Variants in SLFN5 observed in about 807,000 individuals in gnomAD.
The protein encoded by SLFN5 is schlafen family member 5.
A neutral mutation model predicts 48.5 loss-of-function variants in SLFN5; 34 were observed. That is an observed-to-expected ratio of 0.70 (90% CI 0.53 to 0.93). SLFN5 has a LOEUF of 0.93. Ranked by LOEUF, SLFN5 falls within the 40% of genes least tolerant of loss-of-function variation. The pLI, the probability that SLFN5 is intolerant of heterozygous loss-of-function variation, is 0.00. For missense variants in SLFN5, 1,006 were observed against 1,071.3 expected (o/e 0.94, Z 0.85); for synonymous variants, 387 against 396.2 (o/e 0.98, Z 0.28).
rs1597657012 is a variant in SLFN5 at position 35,266,178 on chromosome 17, G to GCA, written c.*291_*292insAC. On this transcript the variant is annotated 3_prime_UTR_variant, in exon 5 of 5. Coordinates refer to ENST00000299977, the MANE Select transcript of SLFN5 (RefSeq NM_144975.4). ...TGTGTGTGTGTGTGTGTGTGTGTGT[G>GCA]CGCGCGCGCACGTGCACATGTGTGT... The GCA allele has an allele frequency of 3.7e-5, 6 of 161,652 alleles. No individual in the cohort carries two copies. The highest frequency in any genetic ancestry group is 2.7e-4 in the East Asian group (3 of 11,150). The allele number at this position is 161,652 out of a possible 1,614,324, so 10.0% of individuals were successfully genotyped here.
At position 35,259,379 on chromosome 17, in the gene SLFN5, G is replaced by C. The variant is rs1904450039; in HGVS notation, c.689G>C (p.Gly230Ala). The C allele has an allele frequency of 1.9e-6, 3 of 1,613,958 alleles. No homozygotes were observed. The highest frequency in any genetic ancestry group is 2.7e-5 in the African/African-American group (2 of 74,876). Residue 230 changes from glycine (G) to alanine (A), a missense_variant, in exon 2 of 5, where the codon GGT (glycine) becomes GCT (alanine). Coordinates refer to ENST00000299977, the MANE Select transcript of SLFN5 (RefSeq NM_144975.4). Reference sequence around the variant, plus strand: ...ACTGAAGGAGGATATGTATTTTTTGGTGTGCATGATGAGACTTGTCAAGTG... The same window carrying C: ...ACTGAAGGAGGATATGTATTTTTTGCTGTGCATGATGAGACTTGTCAAGTG... ...ANTEGGYVFF[G>A]VHDETCQVIG...
chr17:35,253,662 G>T (rs894547218), intron 1 of SLFN5, among the ~76,000 whole-genome samples: 1 of 147,646 alleles, frequency 6.8e-6, no homozygotes, highest in Non-Finnish European at 1.5e-5. Context: ...GGTGTGAGCC[G>T]CTGTGCCTGG....
intron 1 of SLFN5, among the ~76,000 whole-genome samples, chr17:35,256,073 T>C (rs1413020241): frequency 6.6e-6 from 1 of 152,234 alleles, no homozygotes; most frequent in East Asian, 1.9e-4. Context: ...AAATAGTGCA[T>C]GTAGGCTGGG....
chr17:35,269,990 C>T lies in SLFN5; in HGVS notation c.*4102C>T, dbSNP rs190654582. 2.5e-4 allele frequency: 38 copies of T among 152,210 alleles called. No individual in the cohort carries two copies. The highest frequency in any genetic ancestry group is 8.9e-4 in the African/African-American group (37 of 41,544). 9.4% of individuals were successfully genotyped at this position (152,210 alleles called of 1,614,324 possible). A position where few individuals can be genotyped will look rare whatever the true frequency, so the allele number is the denominator to read the frequency against. ...TAATATTAGATAAATCTTCCTGTAA[C>T]TGAAAGTTCTTGAGTTAAAGAAAAA... On this transcript the variant is annotated 3_prime_UTR_variant, in exon 5 of 5. Coordinates refer to ENST00000299977, the MANE Select transcript of SLFN5 (RefSeq NM_144975.4).
intron 2 of SLFN5, among the ~76,000 whole-genome samples, chr17:35,260,375 T>C (rs1904487144): frequency 6.6e-6 from 1 of 152,220 alleles, no homozygotes; most frequent in Admixed American, 6.5e-5. Context: ...CAGGTGTCTA[T>C]ATCCATTGGC....
chr17:35,266,177 T>TCTGTGTGCGC lies in SLFN5; in HGVS notation c.*289_*290insCTGTGTGCGC. On this transcript the variant is annotated 3_prime_UTR_variant, in exon 5 of 5. Transcript: ENST00000299977. The stretch of plus-strand genomic sequence containing the variant: ...GTGTGTGTGTGTGTGTGTGTGTGTG[T>TCTGTGTGCGC]GCGCGCGCGCACGTGCACATGTGTG... 1 of 170,412 alleles carries TCTGTGTGCGC rather than the reference T, an allele frequency of 5.9e-6. No homozygotes were observed. The highest frequency in any genetic ancestry group is 1.2e-5 in the Non-Finnish European group (1 of 83,926). 10.6% of individuals were successfully genotyped at this position (170,412 alleles called of 1,614,324 possible).
rs368638285 is a variant in SLFN5 at position 35,265,305 on chromosome 17, C to T, written c.2093C>T (p.Pro698Leu). 1.2e-5 allele frequency: 19 copies of T among 1,614,184 alleles called. No individual in the cohort carries two copies. The highest frequency in any genetic ancestry group is 5.0e-5 in the Admixed American group (3 of 60,026). ...TYHLSCSGLPPPSDQYPREEI... is the reference protein window; with the variant it reads ...TYHLSCSGLPLPSDQYPREEI... The stretch of plus-strand genomic sequence containing the variant: ...CACTTGAGTTGCAGTGGCCTCCCCC[C>T]TCCCTCAGACCAGTATCCAAGAGAA... Residue 698 changes from proline (P) to leucine (L), a missense_variant, in exon 5 of 5, where the codon CCT (proline) becomes CTT (leucine). Coordinates refer to ENST00000299977, the MANE Select transcript of SLFN5 (RefSeq NM_144975.4).
chr17:35,248,346 A>G (rs2092435428), intron 1 of SLFN5, among the ~76,000 whole-genome samples: 1 of 152,210 alleles, frequency 6.6e-6, no homozygotes, highest in South Asian at 2.1e-4. Context: ...ATTCTGATCA[A>G]AAATTGCTTC....
chr17:35,265,456 TA>T lies in SLFN5; in HGVS notation c.2247del (p.Lys749AsnfsTer10), dbSNP rs749708818. ...PGSLVMLYEP[K>X]WAQGVPGNLE... ...GGTCCCTGGTGATGCTCTATGAACCTAAATGGGCTCAAGGTGTCCCAGGCAA... is the reference window on the plus strand; with the variant it reads ...GGTCCCTGGTGATGCTCTATGAACCTAATGGGCTCAAGGTGTCCCAGGCAA... On this transcript the variant is annotated frameshift_variant, in exon 5 of 5. Coordinates refer to ENST00000299977, the MANE Select transcript of SLFN5 (RefSeq NM_144975.4). LOFTEE classifies it low-confidence loss of function (END_TRUNC). The T allele has an allele frequency of 6.2e-7, 1 of 1,613,622 alleles. No individual in the cohort carries two copies. The highest frequency in any genetic ancestry group is 1.3e-5 in the African/African-American group (1 of 74,568).
intron 1 of SLFN5, among the ~76,000 whole-genome samples, chr17:35,248,153 A>G (rs1045939035): frequency 6.6e-6 from 1 of 152,078 alleles, no homozygotes; most frequent in Non-Finnish European, 1.5e-5. Flanking sequence ...TCATGCACCT[A>G]CCTTCCTACC....
Position 35,260,926 on chromosome 17 carries a change from G to C in SLFN5, c.1013-45G>C, listed in dbSNP as rs1391086885. 3.1e-6 allele frequency: 5 copies of C among 1,607,112 alleles called. No individual in the cohort carries two copies. In the African/African-American group the frequency reaches 6.7e-5, roughly 21 times the overall value. On this transcript the variant is annotated intron_variant, in intron 2 of 4. Transcript: ENST00000299977. Reference sequence around the variant, plus strand: ...GTAGCACAGCTCAGCTATAAGTTGGGGTCTGCCTTTTTGCATATTGAATCC... The same window carrying C: ...GTAGCACAGCTCAGCTATAAGTTGGCGTCTGCCTTTTTGCATATTGAATCC...
rs144271885 is a variant in SLFN5, at chr17:35,259,086, A to G, written c.396A>G (p.Glu132=). 2.2e-4 allele frequency: 358 copies of G among 1,614,204 alleles called. No homozygotes were observed. Among genetic ancestry groups the G allele is most frequent in the Middle Eastern group, 3.3e-4 (2 of 6,062 alleles). ...CCACCGATGTCATGGATTCTCAGGAAGCTCTGGCATTCCTCAAATGCAGGA... is the reference window on the plus strand; with the variant it reads ...CCACCGATGTCATGGATTCTCAGGAGGCTCTGGCATTCCTCAAATGCAGGA... ...RTSTDVMDSQ[E]ALAFLKCRTQ... Residue 132 remains glutamate (E), a synonymous_variant, in exon 2 of 5, where the codon GAA becomes GAG. Transcript: ENST00000299977.
At chr17:35,244,478 C>T (rs980265256) in intron 1 of SLFN5, among the ~76,000 whole-genome samples, 7 of 152,132 alleles carry the variant, frequency 4.6e-5, no homozygotes, top group African/African-American at 7.2e-5. Flanking sequence ...TGGCCTCGCC[C>T]TATGAGAAGG....
Position 35,264,518 on chromosome 17 carries a change from C to T in SLFN5, c.1474C>T (p.Pro492Ser). The stretch of plus-strand genomic sequence containing the variant: ...CTACACTGGGAGGTTATGCATCACC[C>T]CCTTGGTCTGTGTGCTGAATTCTGA... ...GGYTGRLCITPLVCVLNSDRK... is the reference protein window; with the variant it reads ...GGYTGRLCITSLVCVLNSDRK... The change falls in exon 4 of 5, where the codon CCC (proline) becomes TCC (serine). Residue 492 changes from proline (P) to serine (S), a missense_variant. By Grantham distance (74) the Pro-to-Ser change is moderately conservative. Coordinates refer to ENST00000299977, the MANE Select transcript of SLFN5 (RefSeq NM_144975.4). 6.2e-7 allele frequency: 1 copy of T among 1,614,088 alleles called. No individual in the cohort carries two copies. The highest frequency in any genetic ancestry group is 8.5e-7 in the Non-Finnish European group (1 of 1,179,996).
intron 1 of SLFN5, among the ~76,000 whole-genome samples, chr17:35,250,810 G>A (rs11656992): frequency 0.52 from 78,417 of 152,062 alleles, 21,097 homozygotes; most frequent in Middle Eastern, 0.6. Flanking sequence ...CCTTAGTAGA[G>A]AAGGGACATA....
Position 35,246,840 on chromosome 17 carries a change from G to C in SLFN5, c.-41+3697G>C, listed in dbSNP as rs557748621. ...CTGCACTCCAGCCTGGGCAGCAGAG[G>C]GAGACTCCATCTCAGAAAAAAAAAA... On this transcript the variant is annotated intron_variant, in intron 1 of 4. Coordinates refer to ENST00000299977, the MANE Select transcript of SLFN5 (RefSeq NM_144975.4). Among the ~76,000 whole-genome samples the C allele has an allele frequency of 2.7e-5, 4 of 150,496 alleles. No homozygotes were observed. The South Asian group carries it at 8.4e-4, about 31-fold the overall frequency.
At position 35,250,417 on chromosome 17, in the gene SLFN5, T is replaced by C. The variant is rs1380254440; in HGVS notation, c.-41+7274T>C. ...GCTCACGCCTGTAATCCCAGCACTT[T>C]GGGAGGCCGAGGCGGGCGGATCACG... is the stretch of plus-strand genomic sequence containing the variant. On this transcript the variant is annotated intron_variant, in intron 1 of 4. Transcript: ENST00000299977. 2.0e-5 allele frequency among the ~76,000 whole-genome samples: 3 copies of C among 152,126 alleles called. No homozygotes were observed. The East Asian group carries it at 5.8e-4, about 29-fold the overall frequency.
intron 4 of SLFN5, 50 bp from the exon 5 acceptor site, chr17:35,265,022 A>G (rs1479129691): frequency 6.4e-7 from 1 of 1,562,780 alleles, no homozygotes; most frequent in East Asian, 2.3e-5. Flanking sequence ...TAAGAGTAGA[A>G]TCTGCTTTCT....
At chr17:35,257,116 G>T (rs968951397) in intron 1 of SLFN5, among the ~76,000 whole-genome samples, 4 of 152,026 alleles carry the variant, frequency 2.6e-5, no homozygotes, top group Non-Finnish European at 5.9e-5. Context: ...CCCCATCCGT[G>T]AAAAAATTGT....
Sources: allele counts gnomAD v4.1 joint callset (sites outside exome capture counted in the v4.1 genomes callset), GRCh38; gene constraint gnomAD v4.1.1; transcripts MANE v1.5; gene names NCBI Gene and HGNC (gene_info 2026-07-23, HGNC 2026-07-21).